Variants in PTPRT observed in about 807,000 individuals in gnomAD.
PTPRT encodes protein tyrosine phosphatase receptor type T, also known as receptor-type tyrosine-protein phosphatase T.
Under a neutral mutation model 176.8 loss-of-function variants are expected in PTPRT, and 56 were observed. The observed-to-expected ratio is 0.32, with a 90% CI of 0.26 to 0.40. The LOEUF (loss-of-function observed/expected upper bound fraction) is 0.40, where lower values mean the gene tolerates loss of function less well. Ranked by LOEUF, PTPRT falls within the 10% of genes least tolerant of loss-of-function variation. PTPRT has a pLI of 1.00. For missense variants in PTPRT, 1,540 were observed against 1,908.2 expected (o/e 0.81, Z 3.60); for synonymous variants, 783 against 739.0 (o/e 1.06, Z -0.96).
the PTPRT span, among the ~76,000 whole-genome samples, chr20:42,058,504 G>A: frequency 1.3e-5 from 2 of 152,078 alleles, no homozygotes; most frequent in Non-Finnish European, 2.9e-5. Context: ...GCCCCTCACC[G>A]GCTCACAAAT....
chr20:42,386,135 C>T (rs2058742087), intron 9 of PTPRT, among the ~76,000 whole-genome samples: 2 of 152,108 alleles, frequency 1.3e-5, no homozygotes, highest in African/African-American at 4.8e-5. Flanking sequence ...GAAAAGCATG[C>T]AGGACATCAT....
intron 26 of PTPRT, among the ~76,000 whole-genome samples, chr20:42,100,147 G>T (rs1008697767): frequency 3.3e-5 from 5 of 152,220 alleles, no homozygotes; most frequent in African/African-American, 1.2e-4. Flanking sequence ...GGCCCGACAT[G>T]GTGCCCAACA....
chr20:42,896,794 C>G (rs1432479776), intron 1 of PTPRT, among the ~76,000 whole-genome samples: 2 of 152,090 alleles, frequency 1.3e-5, no homozygotes, highest in African/African-American at 4.8e-5. Flanking sequence ...AATACCTCAA[C>G]CCCCAAATCA....
chr20:42,182,819 C>T (rs1033981935), intron 16 of PTPRT, among the ~76,000 whole-genome samples: 4 of 151,870 alleles, frequency 2.6e-5, no homozygotes, highest in African/African-American at 9.7e-5. Flanking sequence ...AATGGAATGC[C>T]GTAGAACACC....
At chr20:42,685,403 C>T (rs1429098657) in intron 6 of PTPRT, 1 of 152,162 alleles carries the variant, frequency 6.6e-6, no homozygotes, top group African/African-American at 2.4e-5. Context: ...CAAGACCCTC[C>T]TTTCTCAGAT....
the PTPRT span, among the ~76,000 whole-genome samples, chr20:42,057,883 C>A: frequency 6.6e-6 from 1 of 152,194 alleles, no homozygotes; most frequent in East Asian, 1.9e-4. Context: ...CACGCCCAGC[C>A]TGTCCTTACT....
chr20:42,981,325 G>T (rs1983258536), intron 1 of PTPRT, among the ~76,000 whole-genome samples: 1 of 152,190 alleles, frequency 6.6e-6, no homozygotes, highest in South Asian at 2.1e-4. Flanking sequence ...GAATAAATCA[G>T]AACATGCATG....
Position 43,182,685 on chromosome 20 carries a change from G to C in PTPRT, c.88+6961C>G, listed in dbSNP as rs113580408. ...GGATTACAGGCGTGAGCCACCACTC[G>C]CCCGGCCGTGGTTTGCAAACATCTT... On this transcript the variant is annotated intron_variant, in intron 1 of 30. Transcript: ENST00000373187. Among the ~76,000 whole-genome samples, 854 of 152,116 alleles carry C rather than the reference G, an allele frequency of 5.6e-3. 12 individuals carry two copies. Among genetic ancestry groups the C allele is most frequent in the African/African-American group, 0.02 (829 of 41,510 alleles).
chr20:42,732,335 G>A (rs907058369), intron 6 of PTPRT, among the ~76,000 whole-genome samples: 2 of 152,158 alleles, frequency 1.3e-5, no homozygotes, highest in Non-Finnish European at 2.9e-5. Context: ...TGCTTGATCA[G>A]TTTCATTGAC....
chr20:43,048,943 T>C lies in PTPRT; in HGVS notation c.88+140703A>G, dbSNP rs1986943364. On this transcript the variant is annotated intron_variant, in intron 1 of 30. Coordinates refer to ENST00000373187, the MANE Select transcript of PTPRT (RefSeq NM_007050.6). ...ATCACAGGTAACACATCTGCCCTGC[T>C]CTTCCCCACAACACCCTTGGCCTGA... Among the ~76,000 whole-genome samples, 3 of 152,282 alleles carry C rather than the reference T, an allele frequency of 2.0e-5. No individual in the cohort carries two copies. The South Asian group carries it at 6.2e-4, about 32-fold the overall frequency.
intron 11 of PTPRT, among the ~76,000 whole-genome samples, chr20:42,347,282 C>A (rs1328722223): frequency 1.3e-5 from 2 of 152,204 alleles, no homozygotes; most frequent in Admixed American, 1.3e-4. Flanking sequence ...GCATCCTTAA[C>A]CCAGTGCATC....
At chr20:42,200,270 A>C (rs1198375458) in intron 15 of PTPRT, among the ~76,000 whole-genome samples, 2 of 152,328 alleles carry the variant, frequency 1.3e-5, no homozygotes, top group East Asian at 3.9e-4. Flanking sequence ...TTCTTACTCT[A>C]AATCCTGAAC....
intron 15 of PTPRT, among the ~76,000 whole-genome samples, chr20:42,206,341 C>G (rs974817434): frequency 3.5e-4 from 53 of 152,172 alleles, no homozygotes; most frequent in Non-Finnish European, 1.5e-4. Flanking sequence ...ACGCAGAAGA[C>G]GGTGATTTCT....
chr20:43,157,617 G>T (rs1380006496), intron 1 of PTPRT, among the ~76,000 whole-genome samples: 4 of 152,150 alleles, frequency 2.6e-5, no homozygotes, highest in African/African-American at 9.7e-5. Flanking sequence ...GCTTATTCCA[G>T]TTGTAGACCA....
At chr20:42,532,298 C>G (rs1363338780) in intron 7 of PTPRT, among the ~76,000 whole-genome samples, 1 of 152,144 alleles carries the variant, frequency 6.6e-6, no homozygotes, top group Non-Finnish European at 1.5e-5. Flanking sequence ...AAGGAATGCA[C>G]AAGTGCTTAG....
chr20:42,388,779 A>T (rs1306952942), intron 9 of PTPRT, among the ~76,000 whole-genome samples: 1 of 152,224 alleles, frequency 6.6e-6, no homozygotes, highest in Non-Finnish European at 1.5e-5. Context: ...TACTGGGTAT[A>T]TACCCAAAGG....
intron 7 of PTPRT, among the ~76,000 whole-genome samples, chr20:42,544,131 C>G (rs1487621129): frequency 6.6e-6 from 1 of 152,178 alleles, no homozygotes; most frequent in Admixed American, 6.5e-5. Context: ...TCCATTGAGG[C>G]TTTGAAGCCA....
intron 1 of PTPRT, among the ~76,000 whole-genome samples, chr20:43,111,616 A>G (rs2012874064): frequency 6.7e-6 from 1 of 148,936 alleles, no homozygotes; most frequent in South Asian, 2.1e-4. Flanking sequence ...GATCTTCTCT[A>G]AGGCTCTGGG....
chr20:42,367,520 G>A (rs902183145), intron 9 of PTPRT, among the ~76,000 whole-genome samples: 3 of 152,170 alleles, frequency 2.0e-5, no homozygotes, highest in African/African-American at 7.2e-5. Context: ...GGTGAGAGGA[G>A]GGGAGAAAAA....
Sources: gnomAD v4.1 joint callset for allele counts (sites outside exome capture counted in the v4.1 genomes callset) on GRCh38, gnomAD v4.1.1 for gene constraint, MANE v1.5 for transcripts, NCBI Gene and HGNC (gene_info 2026-07-23, HGNC 2026-07-21) for gene names.